Variants in CNTN4 observed in about 807,000 individuals in gnomAD.
CNTN4 encodes the protein contactin-4.
CNTN4 carries 77 observed loss-of-function variants against 122.5 expected under a neutral mutation model. The observed-to-expected ratio is 0.63, with a 90% CI of 0.52 to 0.76. CNTN4 has a LOEUF of 0.76. CNTN4 is among the 30% of genes least tolerant of loss of function. CNTN4 has a pLI of 0.00. For synonymous variants in CNTN4, 512 were observed against 447.0 expected (o/e 1.15, Z -1.83); for missense variants, 1,256 against 1,259.1 (o/e 1.00, Z 0.04).
intron 7 of CNTN4, among the ~76,000 whole-genome samples, chr3:2,828,857 C>T (rs1704670947): frequency 6.6e-6 from 1 of 152,136 alleles, no homozygotes. Context: ...CCCACCTCAG[C>T]CTCTTGAGTA....
intron 6 of CNTN4, among the ~76,000 whole-genome samples, chr3:2,771,972 A>T (rs2091122130): frequency 6.6e-6 from 1 of 152,178 alleles, no homozygotes; most frequent in Non-Finnish European, 1.5e-5. Context: ...CTGAATCTTC[A>T]TGGATATGCA....
chr3:2,193,939 C>T (rs1481693126), intron 2 of CNTN4, among the ~76,000 whole-genome samples: 1 of 152,120 alleles, frequency 6.6e-6, no homozygotes, highest in Non-Finnish European at 1.5e-5. Context: ...TGTGTAAATA[C>T]ACTCTATAAT....
chr3:2,898,726 T>C (rs574086355), intron 10 of CNTN4, among the ~76,000 whole-genome samples: 2 of 152,308 alleles, frequency 1.3e-5, no homozygotes, highest in South Asian at 2.1e-4. Context: ...TGCCCTTCCA[T>C]TTTTTTCCTC....
chr3:2,495,169 G>A (rs2151699459), intron 3 of CNTN4, among the ~76,000 whole-genome samples: 1 of 152,252 alleles, frequency 6.6e-6, no homozygotes, highest in Non-Finnish European at 1.5e-5. Flanking sequence ...AGCAATCTCT[G>A]AATGTCTAAA....
At chr3:2,569,795 C>G (rs1366393439) in intron 3 of CNTN4, among the ~76,000 whole-genome samples, 1 of 152,116 alleles carries the variant, frequency 6.6e-6, no homozygotes, top group Non-Finnish European at 1.5e-5. Context: ...ATAGGTAGCA[C>G]TCTGCTCATC....
At chr3:2,637,539 A>C (rs2082714684) in intron 4 of CNTN4, among the ~76,000 whole-genome samples, 1 of 152,114 alleles carries the variant, frequency 6.6e-6, no homozygotes, top group South Asian at 2.1e-4. Flanking sequence ...CAGGTTGTGC[A>C]ATACAGGGGC....
intron 10 of CNTN4, among the ~76,000 whole-genome samples, chr3:2,890,025 CA>C (rs896782507): frequency 2.0e-5 from 3 of 152,182 alleles, no homozygotes; most frequent in African/African-American, 7.2e-5. Context: ...GGAAAAAGAG[CA>C]GAATAAAATA....
At chr3:2,542,848 A>C (rs1197291815) in intron 3 of CNTN4, among the ~76,000 whole-genome samples, 2 of 152,038 alleles carry the variant, frequency 1.3e-5, no homozygotes, top group Non-Finnish European at 2.9e-5. Flanking sequence ...AAGGGGACTG[A>C]CTCAGTGCTC....
At chr3:2,729,292 C>A (rs184738523) in intron 4 of CNTN4, among the ~76,000 whole-genome samples, 82 of 151,998 alleles carry the variant, frequency 5.4e-4, no homozygotes, top group African/African-American at 1.9e-3. Flanking sequence ...TGGCCGGGCG[C>A]GGTGGCTCAC....
intron 12 of CNTN4, among the ~76,000 whole-genome samples, 175 bp downstream of exon 12, chr3:2,903,180 C>A (rs895696239): frequency 2.0e-5 from 3 of 152,186 alleles, no homozygotes; most frequent in Non-Finnish European, 4.4e-5. Flanking sequence ...AACAAGAGAA[C>A]GCTTTCTAAA....
At chr3:2,898,555 G>C (rs1156965292) in intron 10 of CNTN4, among the ~76,000 whole-genome samples, 1 of 152,156 alleles carries the variant, frequency 6.6e-6, no homozygotes, top group Non-Finnish European at 1.5e-5. Context: ...TGCTTCTTGA[G>C]ATTGCAAGGT....
intron 2 of CNTN4, among the ~76,000 whole-genome samples, chr3:2,259,057 A>G (rs759376177): frequency 9.2e-5 from 14 of 151,932 alleles, no homozygotes; most frequent in Admixed American, 2.0e-4. Flanking sequence ...ACCCAAAGCT[A>G]TATTGCTCTA....
intron 2 of CNTN4, among the ~76,000 whole-genome samples, chr3:2,185,750 A>G (rs573460739): frequency 6.6e-6 from 1 of 152,156 alleles, no homozygotes; most frequent in Non-Finnish European, 1.5e-5. Flanking sequence ...CTTGGTTATT[A>G]CAGCCCTTAG....
At chr3:2,465,689 A>T (rs1247065934) in intron 3 of CNTN4, among the ~76,000 whole-genome samples, 1 of 152,130 alleles carries the variant, frequency 6.6e-6, no homozygotes, top group African/African-American at 2.4e-5. Flanking sequence ...AAAAATAAAA[A>T]ATTCAAATAA....
At chr3:2,602,128 C>A (rs1014251298) in intron 4 of CNTN4, among the ~76,000 whole-genome samples, 2 of 152,128 alleles carry the variant, frequency 1.3e-5, no homozygotes, top group East Asian at 3.9e-4. Flanking sequence ...AAACCCACAG[C>A]CAATATCATA....
chr3:2,970,771 A>G (rs1469446512), intron 13 of CNTN4, among the ~76,000 whole-genome samples: 2 of 151,868 alleles, frequency 1.3e-5, no homozygotes, highest in African/African-American at 4.8e-5. Flanking sequence ...TGTATGTTAT[A>G]TGGATCATGT....
At chr3:2,658,054 C>T (rs184004932) in intron 4 of CNTN4, among the ~76,000 whole-genome samples, 75 of 147,222 alleles carry the variant, frequency 5.1e-4, no homozygotes, top group Admixed American at 1.5e-3. Context: ...AGATACTGTG[C>T]GAAGTGAACT....
chr3:2,912,850 T>A (rs2094315684), intron 12 of CNTN4, among the ~76,000 whole-genome samples: 1 of 152,190 alleles, frequency 6.6e-6, no homozygotes. Context: ...ATATCATTTT[T>A]AAAAATAAAG....
chr3:2,115,249 T>C (rs765989221), intron 2 of CNTN4, among the ~76,000 whole-genome samples: 29 of 152,356 alleles, frequency 1.9e-4, no homozygotes, highest in African/African-American at 6.3e-4. Context: ...TGCTTTTTAC[T>C]GTGTCAGTGT....
Sources: allele counts gnomAD v4.1 joint callset (sites outside exome capture counted in the v4.1 genomes callset), GRCh38; gene constraint gnomAD v4.1.1; transcripts MANE v1.5; gene names NCBI Gene and HGNC (gene_info 2026-07-23, HGNC 2026-07-21).